IL1RAPL2: variants seen among roughly 807,000 people sequenced by gnomAD.
The protein encoded by IL1RAPL2 is X-linked interleukin-1 receptor accessory protein-like 2.
IL1RAPL2 carries 3 observed loss-of-function variants against 44.1 expected under a neutral mutation model. That is an observed-to-expected ratio of 0.07 (90% CI 0.03 to 0.18). The LOEUF (loss-of-function observed/expected upper bound fraction) is 0.18. IL1RAPL2 is among the 10% of genes least tolerant of loss of function. IL1RAPL2 has a pLI of 1.00. For synonymous variants in IL1RAPL2, 181 were observed against 178.8 expected (o/e 1.01, Z -0.10); for missense variants, 391 against 496.4 (o/e 0.79, Z 2.02).
chrX:104,794,458 C>A (rs954730053), intron 2 of IL1RAPL2, among the ~76,000 whole-genome samples: 1 of 110,798 alleles, frequency 9.0e-6, no homozygotes, highest in Non-Finnish European at 1.9e-5. Context: ...AAGCAGTGCC[C>A]CTACATCTAC....
chrX:104,576,761 A>T (rs1928251230), intron 1 of IL1RAPL2, among the ~76,000 whole-genome samples: 2 of 111,685 alleles, frequency 1.8e-5, no homozygotes, highest in African/African-American at 6.5e-5. Context: ...TAGACTCATT[A>T]TCTTGTCACT....
At chrX:105,690,277 TAA>T (rs1024587344) in intron 6 of IL1RAPL2, among the ~76,000 whole-genome samples, 21 of 111,807 alleles carry the variant, frequency 1.9e-4, no homozygotes, top group Non-Finnish European at 3.0e-4. Context: ...CTTAACGTTT[TAA>T]GTTATCTAAA....
At chrX:105,734,867 G>T (rs2038434643) in intron 7 of IL1RAPL2, among the ~76,000 whole-genome samples, 1 of 111,334 alleles carries the variant, frequency 9.0e-6, no homozygotes, top group South Asian at 3.8e-4. Context: ...CTAAATATAG[G>T]TCTCATGGTG....
At chrX:105,655,508 A>C (rs1201889908) in intron 6 of IL1RAPL2, among the ~76,000 whole-genome samples, 1 of 110,383 alleles carries the variant, frequency 9.1e-6, no homozygotes, top group Non-Finnish European at 1.9e-5. Flanking sequence ...TTGGCTGCAA[A>C]AATGTTATAA....
chrX:104,805,770 T>A (rs1932918441), intron 2 of IL1RAPL2, among the ~76,000 whole-genome samples: 1 of 112,144 alleles, frequency 8.9e-6, no homozygotes, highest in Non-Finnish European at 1.9e-5. Flanking sequence ...ACATGAATTA[T>A]GTCCTTCAAC....
intron 6 of IL1RAPL2, among the ~76,000 whole-genome samples, chrX:105,536,250 A>G (rs2036676299): frequency 9.0e-6 from 1 of 110,691 alleles, no homozygotes; most frequent in Admixed American, 9.7e-5. Flanking sequence ...TTCTGTACTT[A>G]TAATCTGGGA....
At chrX:105,670,245 G>GTTT (rs2037811738) in intron 6 of IL1RAPL2, among the ~76,000 whole-genome samples, 1 of 92,519 alleles carries the variant, frequency 1.1e-5, no homozygotes, top group Admixed American at 1.2e-4. Flanking sequence ...TTGCAATACT[G>GTTT]TTTTAGCTAT....
intron 5 of IL1RAPL2, among the ~76,000 whole-genome samples, chrX:105,402,374 G>A (rs904449936): frequency 2.7e-5 from 3 of 111,618 alleles, no homozygotes; most frequent in African/African-American, 9.7e-5. Context: ...ACAAGAAAAT[G>A]TACTTTCCTA....
At chrX:105,509,800 G>A (rs1009350543) in intron 6 of IL1RAPL2, among the ~76,000 whole-genome samples, 1 of 111,051 alleles carries the variant, frequency 9.0e-6, no homozygotes, top group Admixed American at 9.6e-5. Flanking sequence ...AGAAGCAAGA[G>A]TTTTATTATC....
intron 2 of IL1RAPL2, among the ~76,000 whole-genome samples, chrX:105,006,171 A>G (rs2147738593): frequency 9.0e-6 from 1 of 110,830 alleles, no homozygotes; most frequent in Admixed American, 9.6e-5. Flanking sequence ...AATCCTGCTA[A>G]TTCCGAGAAA....
rs145871910 is a variant in IL1RAPL2 at position 105,262,740 on chromosome X, G to A, written c.544-4648G>A. 6.5e-3 allele frequency among the ~76,000 whole-genome samples: 731 copies of A among 111,689 alleles called. 6 individuals carry two copies. The highest frequency in any genetic ancestry group is 0.022 in the African/African-American group (670 of 30,741). On this transcript the variant is annotated intron_variant, in intron 4 of 10. Transcript: ENST00000372582. ...ATAGAAAGTTGGAGAAACAGAGCTT[G>A]GAAGGGAAGGGCTCCTTGTAGTTGG... is the stretch of plus-strand genomic sequence containing the variant.
chrX:105,052,294 T>G (rs1239201934), intron 2 of IL1RAPL2, among the ~76,000 whole-genome samples: 4 of 111,510 alleles, frequency 3.6e-5, no homozygotes, highest in Non-Finnish European at 5.6e-5. Context: ...TTCTCAGGAG[T>G]TGCATGCTCT....
intron 2 of IL1RAPL2, among the ~76,000 whole-genome samples, chrX:104,831,136 T>C (rs776561552): frequency 8.9e-6 from 1 of 111,881 alleles, no homozygotes; most frequent in Non-Finnish European, 1.9e-5. Flanking sequence ...ACAATAACTA[T>C]GTTTCTTCTT....
chrX:104,582,659 T>TC (rs200532167), intron 1 of IL1RAPL2, among the ~76,000 whole-genome samples: 1,033 of 89,727 alleles, frequency 0.012, 29 homozygotes, highest in African/African-American at 0.038. Flanking sequence ...TTTCTTTCTT[T>TC]TTTTTCTTTT....
rs781969129 is a variant in IL1RAPL2, at chrX:105,211,284, C to G, written c.356+15536C>G. Among the ~76,000 whole-genome samples the G allele has an allele frequency of 2.7e-5, 3 of 111,091 alleles. No homozygotes were observed. In the East Asian group the frequency reaches 8.6e-4, roughly 32 times the overall value. On this transcript the variant is annotated intron_variant, in intron 3 of 10. Transcript: ENST00000372582. ...AGTTCTCTGTTCAAATCTGACTGTC[C>G]CTGGTTCTGCTCACTTGGGATTGAG... is the stretch of plus-strand genomic sequence containing the variant.
At chrX:104,720,410 A>G (rs977773714) in intron 2 of IL1RAPL2, among the ~76,000 whole-genome samples, 2 of 112,107 alleles carry the variant, frequency 1.8e-5, no homozygotes, top group Non-Finnish European at 3.8e-5. Flanking sequence ...TAAGGTATAC[A>G]TAAACATATT....
At chrX:104,725,922 C>T (rs760410844) in intron 2 of IL1RAPL2, among the ~76,000 whole-genome samples, 56 of 111,504 alleles carry the variant, frequency 5.0e-4, no homozygotes, top group Non-Finnish European at 8.9e-4. Flanking sequence ...GGTTTTGTTG[C>T]CATTGCCTTT....
chrX:104,756,545 A>G (rs998919698), intron 2 of IL1RAPL2, among the ~76,000 whole-genome samples: 18 of 110,891 alleles, frequency 1.6e-4, no homozygotes, highest in Non-Finnish European at 3.2e-4. Flanking sequence ...ATATTTACTG[A>G]GCACTCATAT....
At chrX:105,342,519 A>G (rs185701786) in intron 5 of IL1RAPL2, among the ~76,000 whole-genome samples, 5 of 111,517 alleles carry the variant, frequency 4.5e-5, no homozygotes, top group Admixed American at 9.6e-5. Flanking sequence ...ATCTAGTACA[A>G]TTGTCCTCAA....
Sources: gnomAD v4.1 joint callset for allele counts (sites outside exome capture counted in the v4.1 genomes callset) on GRCh38, gnomAD v4.1.1 for gene constraint, MANE v1.5 for transcripts, NCBI Gene and HGNC (gene_info 2026-07-23, HGNC 2026-07-21) for gene names.